Variants in NEGR1 observed in about 807,000 individuals in gnomAD.
The protein encoded by NEGR1 is IgLON family member 4.
NEGR1 carries 10 observed loss-of-function variants against 40.9 expected under a neutral mutation model. That is an observed-to-expected ratio of 0.24 (90% CI 0.15 to 0.42). NEGR1 has a LOEUF of 0.42. Among genes scored for constraint, NEGR1 ranks in the 10% least tolerant of loss-of-function variants. The probability of loss-of-function intolerance (pLI) is 1.00; values close to 1 mark genes in which losing one functional copy is unlikely to be tolerated. For missense variants in NEGR1, 352 were observed against 438.9 expected (o/e 0.80, Z 1.77); for synonymous variants, 185 against 166.8 (o/e 1.11, Z -0.84).
At chr1:72,210,422 C>T (rs1557580097) in intron 1 of NEGR1, among the ~76,000 whole-genome samples, 1 of 151,868 alleles carries the variant, frequency 6.6e-6, no homozygotes, top group Non-Finnish European at 1.5e-5. Context: ...TCAAATAAAA[C>T]ACTTGGGTGA....
intron 6 of NEGR1, among the ~76,000 whole-genome samples, chr1:71,564,870 T>C (rs1487008296): frequency 6.6e-6 from 1 of 152,128 alleles, no homozygotes; most frequent in Admixed American, 6.6e-5. Flanking sequence ...TTAGGTTACT[T>C]TCCAAGGTCA....
intron 1 of NEGR1, among the ~76,000 whole-genome samples, chr1:72,159,966 A>G (rs570564247): frequency 2.6e-5 from 4 of 152,302 alleles, no homozygotes; most frequent in African/African-American, 9.6e-5. Flanking sequence ...TTGTAGCCAA[A>G]GTTAAATTAA....
chr1:71,606,392 T>C (rs1298315547), intron 5 of NEGR1, among the ~76,000 whole-genome samples: 2 of 152,316 alleles, frequency 1.3e-5, no homozygotes, highest in African/African-American at 4.8e-5. Context: ...ACATCTTGAC[T>C]GCAATCTTAT....
intron 3 of NEGR1, among the ~76,000 whole-genome samples, chr1:71,699,666 C>A (rs924278669): frequency 6.6e-6 from 1 of 151,722 alleles, no homozygotes; most frequent in East Asian, 1.9e-4. Context: ...TATACTACAT[C>A]AGGTACTGAT....
chr1:71,983,253 T>A (rs1347717050), intron 1 of NEGR1, among the ~76,000 whole-genome samples: 1 of 152,130 alleles, frequency 6.6e-6, no homozygotes, highest in Non-Finnish European at 1.5e-5. Flanking sequence ...TATTTACTAT[T>A]ATGAAACTTA....
At chr1:71,798,688 C>A (rs1570361287) in intron 2 of NEGR1, among the ~76,000 whole-genome samples, 1 of 152,032 alleles carries the variant, frequency 6.6e-6, no homozygotes, top group Admixed American at 6.6e-5. Flanking sequence ...GAGTCTGAAA[C>A]CTAATATTTT....
intron 4 of NEGR1, among the ~76,000 whole-genome samples, chr1:71,643,151 A>C (rs115199218): frequency 6.6e-6 from 1 of 151,916 alleles, no homozygotes; most frequent in Non-Finnish European, 1.5e-5. Context: ...ATGGATTAAA[A>C]CCACACAAAT....
chr1:71,679,620 C>A (rs889198359), intron 4 of NEGR1, among the ~76,000 whole-genome samples: 1 of 152,032 alleles, frequency 6.6e-6, no homozygotes, highest in Non-Finnish European at 1.5e-5. Flanking sequence ...CATAAATCAG[C>A]CACACATAGA....
Position 72,165,447 on chromosome 1 carries a change from T to C in NEGR1, c.176+116872A>G, listed in dbSNP as rs34355724. Among the ~76,000 whole-genome samples the C allele has an allele frequency of 6.0e-3, 911 of 152,154 alleles. 5 individuals are homozygous for C. Among genetic ancestry groups the C allele is most frequent in the Middle Eastern group, 0.031 (9 of 294 alleles). ...AGATCTGATGATTCTACTGAAGCTA[T>C]GACACCTAGTTTCCTAGATCATTAA... On this transcript the variant is annotated intron_variant, in intron 1 of 6. Transcript: ENST00000357731.
At chr1:71,449,743 T>G (rs2101326011) in intron 6 of NEGR1, among the ~76,000 whole-genome samples, 1 of 152,226 alleles carries the variant, frequency 6.6e-6, no homozygotes, top group Middle Eastern at 3.4e-3. Flanking sequence ...GGAACTAAGG[T>G]TTGGGAAGAT....
At chr1:71,845,682 T>C (rs1281835372) in intron 2 of NEGR1, among the ~76,000 whole-genome samples, 1 of 152,138 alleles carries the variant, frequency 6.6e-6, no homozygotes, top group Non-Finnish European at 1.5e-5. Context: ...AGTAAGTTGA[T>C]CCAATTCACA....
rs1646268101 is a variant in NEGR1 at position 71,404,842 on chromosome 1, C to G, written c.*2604G>C. 6.6e-6 allele frequency: 1 copy of G among 152,164 alleles called. No individual in the cohort carries two copies. Among genetic ancestry groups the G allele is most frequent in the Non-Finnish European group, 1.5e-5 (1 of 67,754 alleles). 9.4% of individuals were successfully genotyped at this position (152,164 alleles called of 1,614,324 possible). On this transcript the variant is annotated 3_prime_UTR_variant, in exon 7 of 7. Coordinates refer to ENST00000357731, the MANE Select transcript of NEGR1 (RefSeq NM_173808.3). ...TTGCAACAATCTTGTACAGTCAGGA[C>G]TGATAAAATGGGGTAATCAGACATT... is the stretch of plus-strand genomic sequence containing the variant.
At chr1:72,063,230 C>G (rs529518556) in intron 1 of NEGR1, among the ~76,000 whole-genome samples, 66 of 151,922 alleles carry the variant, frequency 4.3e-4, no homozygotes, top group African/African-American at 1.6e-3. Context: ...CTGTTTTACA[C>G]ATGTGTTTTC....
chr1:71,987,304 G>T (rs1031875665), intron 1 of NEGR1, among the ~76,000 whole-genome samples: 1 of 152,140 alleles, frequency 6.6e-6, no homozygotes, highest in African/African-American at 2.4e-5. Flanking sequence ...TTCAATCAAG[G>T]CCTGGTGCCA....
At chr1:72,223,442 TG>T (rs1654076105) in intron 1 of NEGR1, among the ~76,000 whole-genome samples, 1 of 152,186 alleles carries the variant, frequency 6.6e-6, no homozygotes. Context: ...ATGGACTCTT[TG>T]GATAATGTTA....
intron 2 of NEGR1, among the ~76,000 whole-genome samples, chr1:71,839,305 G>A (rs1659154276): frequency 1.4e-5 from 2 of 146,422 alleles, no homozygotes; most frequent in African/African-American, 2.5e-5. Context: ...CTGGGTTCAA[G>A]TAATTCTCCT....
chr1:71,757,636 A>G (rs1450844415), intron 3 of NEGR1, among the ~76,000 whole-genome samples: 1 of 152,028 alleles, frequency 6.6e-6, no homozygotes, highest in Admixed American at 6.5e-5. Flanking sequence ...ACCCTTCTCT[A>G]ATATATTCCA....
intron 1 of NEGR1, among the ~76,000 whole-genome samples, chr1:71,993,275 T>C (rs1300147749): frequency 6.6e-6 from 1 of 152,160 alleles, no homozygotes; most frequent in Non-Finnish European, 1.5e-5. Flanking sequence ...TAAAAGAACT[T>C]TGAAGGTAGC....
intron 1 of NEGR1, among the ~76,000 whole-genome samples, chr1:72,035,193 C>G (rs945868332): frequency 3.9e-5 from 6 of 152,164 alleles, no homozygotes; most frequent in Non-Finnish European, 1.5e-5. Flanking sequence ...CGATTGCATT[C>G]TGCCGCAAAC....
Sources: allele counts gnomAD v4.1 joint callset (sites outside exome capture counted in the v4.1 genomes callset), GRCh38; gene constraint gnomAD v4.1.1; transcripts MANE v1.5; gene names NCBI Gene and HGNC (gene_info 2026-07-23, HGNC 2026-07-21).